The following PLOD1 variants were observed in gnomAD, a reference collection of about 807,000 sequenced individuals.
PLOD1 encodes the protein lysine hydroxylase.
PLOD1 carries 70 observed loss-of-function variants against 94.7 expected under a neutral mutation model. That is an observed-to-expected ratio of 0.74 (90% CI 0.61 to 0.90). PLOD1 has a LOEUF of 0.90. Among genes scored for constraint, PLOD1 ranks in the 40% least tolerant of loss-of-function variants. The probability of loss-of-function intolerance (pLI) is 0.00; values close to 1 mark genes in which losing one functional copy is unlikely to be tolerated. For synonymous variants in PLOD1, 417 were observed against 400.2 expected (o/e 1.04, Z -0.50); for missense variants, 905 against 972.7 (o/e 0.93, Z 0.93).
chr1:11,965,404 T>C, intron 13 of PLOD1, 76 bp from the exon 14 acceptor site: 1 of 776,900 alleles, frequency 1.3e-6, no homozygotes. Context: ...GTTGCCCGTC[T>C]GGGAGCGTGC....
chr1:11,949,839 C>G lies in PLOD1; in HGVS notation c.235C>G (p.Arg79Gly). 1.2e-6 allele frequency: 2 copies of G among 1,613,952 alleles called. No homozygotes were observed. The highest frequency in any genetic ancestry group is 1.7e-6 in the Non-Finnish European group (2 of 1,179,864). The stretch of plus-strand genomic sequence containing the variant: ...GTCGGCAGGTGGAGGGCAGAAGGTC[C>G]GGCTGCTGAAGAAAGCTCTGGAGAA... ...GTSAGGGQKV[R>G]LLKKALEKHA... Residue 79 changes from arginine (R) to glycine (G), a missense_variant, in exon 3 of 19, where the codon CGG (arginine) becomes GGG (glycine). Arg to Gly is a moderately radical substitution (Grantham distance 125). Coordinates refer to ENST00000196061, the MANE Select transcript of PLOD1 (RefSeq NM_000302.4).
chr1:11,944,869 G>T (rs990960459), intron 1 of PLOD1, among the ~76,000 whole-genome samples: 1 of 152,232 alleles, frequency 6.6e-6, no homozygotes, highest in African/African-American at 2.4e-5. Context: ...TACAGTCTAG[G>T]TTCCTCCTGA....
At chr1:11,947,894 C>A in intron 1 of PLOD1, 82 bp from the exon 2 acceptor site, 1 of 881,090 alleles carries the variant, frequency 1.1e-6, no homozygotes, top group Non-Finnish European at 1.9e-6. Flanking sequence ...CAGAATTTGA[C>A]AGGTCACTGG....
In PLOD1 at chr1:11,957,770, A is replaced by G. The variant is rs1344501364; in HGVS notation, c.742-72A>G. The stretch of plus-strand genomic sequence containing the variant: ...GATGGTGCTGACCCACTGGGGGCCC[A>G]GGGAGATGTGAGTCAGGGCTATGGC... On this transcript the variant is annotated intron_variant, in intron 7 of 18. Transcript: ENST00000196061. The surrounding 1 kb of genome is among the most constrained non-coding windows in gnomAD (Gnocchi z 4.1). 4 of 1,001,832 alleles carry G rather than the reference A, an allele frequency of 4.0e-6. No homozygotes were observed. Among genetic ancestry groups the G allele is most frequent in the Non-Finnish European group, 6.4e-6 (4 of 620,838 alleles). 62.1% of individuals were successfully genotyped at this position (1,001,832 alleles called of 1,614,324 possible).
intron 2 of PLOD1, 107 bp downstream of exon 2, chr1:11,948,174 CAG>C: frequency 1.2e-6 from 1 of 818,380 alleles, no homozygotes; most frequent in Non-Finnish European, 2.2e-6. Context: ...CTTGGGGCCA[CAG>C]GGGAGGCTTC....
intron 16 of PLOD1, among the ~76,000 whole-genome samples, chr1:11,968,381 C>T (rs1394474885): frequency 6.6e-6 from 1 of 152,126 alleles, no homozygotes; most frequent in Non-Finnish European, 1.5e-5. Flanking sequence ...GGCAACATTA[C>T]CTACTAAGCA....
chr1:11,967,656 ATATTT>A lies in PLOD1; in HGVS notation c.1755+567_1755+571del, dbSNP rs199621823. On this transcript the variant is annotated intron_variant, in intron 16 of 18. Coordinates refer to ENST00000196061, the MANE Select transcript of PLOD1 (RefSeq NM_000302.4). ...AGATTTTATTTATATATATATATAT[ATATTT>A]TTTTTAAATAATAGAGACGGGGTCT... Among the ~76,000 whole-genome samples, 584 of 106,874 alleles carry A rather than the reference ATATTT, an allele frequency of 5.5e-3. 14 individuals are homozygous for A. The East Asian group carries it at 0.059, about 11-fold the overall frequency. The allele number at this position is 106,874 out of a possible 152,430, so 70.1% of individuals were successfully genotyped here.
intron 16 of PLOD1, among the ~76,000 whole-genome samples, chr1:11,967,616 A>T (rs555618249): frequency 0.052 from 3,644 of 70,400 alleles, 317 homozygotes; most frequent in African/African-American, 0.097. Flanking sequence ...TATATATATA[A>T]AAAGAAATAT....
chr1:11,967,666 T>A (rs1052848821), intron 16 of PLOD1, among the ~76,000 whole-genome samples: 5 of 132,408 alleles, frequency 3.8e-5, no homozygotes, highest in South Asian at 2.5e-4. Flanking sequence ...ATATTTTTTT[T>A]AAATAATAGA....
At position 11,952,763 on chromosome 1, in the gene PLOD1, A is replaced by AG. The variant is rs767996887; in HGVS notation, c.579+33dup. On this transcript the variant is annotated intron_variant, in intron 5 of 18. Transcript: ENST00000196061. ...AAGAGGCAGTGGGCGGGCCAAGGAG[A>AG]GGGGGCTGGGGATCCACCGGCCAGG... 5 of 1,515,790 alleles carry AG rather than the reference A, an allele frequency of 3.3e-6. No homozygotes were observed. The African/African-American group carries it at 6.9e-5, about 21-fold the overall frequency. The allele number at this position is 1,515,790 out of a possible 1,614,324, so 93.9% of individuals were successfully genotyped here. A position where few individuals can be genotyped will look rare whatever the true frequency, so the allele number is the denominator to read the frequency against.
In PLOD1 at chr1:11,963,219, T is replaced by C. The variant is rs569813068; in HGVS notation, c.1098-313T>C. On this transcript the variant is annotated intron_variant, in intron 10 of 18. Coordinates refer to ENST00000196061, the MANE Select transcript of PLOD1 (RefSeq NM_000302.4). The surrounding 1 kb of genome is among the most constrained non-coding windows in gnomAD (Gnocchi z 4.3). Reference sequence around the variant, plus strand: ...AAGGCTTTTGGTACAAGTTACCAAATTGCATTTCAGAAAGGCAGCCCCAGC... The same window carrying C: ...AAGGCTTTTGGTACAAGTTACCAAACTGCATTTCAGAAAGGCAGCCCCAGC... Among the ~76,000 whole-genome samples, 33 of 152,260 alleles carry C rather than the reference T, an allele frequency of 2.2e-4. No homozygotes were observed. The highest frequency in any genetic ancestry group is 7.2e-4 in the African/African-American group (30 of 41,544).
chr1:11,966,558 G>A, intron 15 of PLOD1: 1 of 562,446 alleles, frequency 1.8e-6, no homozygotes, highest in Non-Finnish European at 3.2e-6. Context: ...CCCTCTACCT[G>A]TTGGCACTTT....
chr1:11,954,642 G>A, intron 5 of PLOD1, 188 bp from the exon 6 acceptor site: 1 of 771,174 alleles, frequency 1.3e-6, no homozygotes, highest in Non-Finnish European at 2.4e-6. Flanking sequence ...AGAGCCACTA[G>A]ACTGTAGACC....
At position 11,964,665 on chromosome 1, in the gene PLOD1, T is replaced by C; in HGVS notation, c.1350T>C (p.Tyr450=). 6.2e-7 allele frequency: 1 copy of C among 1,613,256 alleles called. No homozygotes were observed. The highest frequency in any genetic ancestry group is 1.1e-5 in the South Asian group (1 of 91,080). The change falls in exon 13 of 19, where the codon TAT becomes TAC. Residue 450 remains tyrosine, a synonymous_variant. Transcript: ENST00000196061. ...ACAGTGGTGTCTGGAATGTGCCCTA[T>C]ATTTCAAACATCTACTTGATCAAGG... is the stretch of plus-strand genomic sequence containing the variant. The part of the protein sequence containing the change: ...GRRVGVWNVP[Y]ISNIYLIKGS...
rs552446986 is a variant in PLOD1, at chr1:11,963,984, C to G, written c.1203-191C>G. On this transcript the variant is annotated intron_variant, in intron 11 of 18. Transcript: ENST00000196061. The surrounding 1 kb of genome is among the most constrained non-coding windows in gnomAD (Gnocchi z 4.3). ...CCTGCCCTGTCTGCTCCTGGCTGCC[C>G]CATGGGAGGGAGCAGGTACCAGAAG... Among the ~76,000 whole-genome samples, 3 of 152,234 alleles carry G rather than the reference C, an allele frequency of 2.0e-5. No homozygotes were observed. The East Asian group carries it at 5.8e-4, about 29-fold the overall frequency.
intron 9 of PLOD1, among the ~76,000 whole-genome samples, chr1:11,959,216 A>T (rs1341249550): frequency 6.6e-6 from 1 of 152,026 alleles, no homozygotes; most frequent in Non-Finnish European, 1.5e-5. Flanking sequence ...AAAAAAAATA[A>T]AAATAAATAA....
At chr1:11,968,429 A>T (rs1257725525) in intron 16 of PLOD1, among the ~76,000 whole-genome samples, 1 of 152,170 alleles carries the variant, frequency 6.6e-6, no homozygotes, top group African/African-American at 2.4e-5. Context: ...GAGAAACTGC[A>T]GAAAGGAATT....
chr1:11,946,630 G>C (rs1469367454), intron 1 of PLOD1, among the ~76,000 whole-genome samples: 1 of 152,208 alleles, frequency 6.6e-6, no homozygotes, highest in Non-Finnish European at 1.5e-5. Flanking sequence ...TGGCCAGAGA[G>C]ATCTTCCTGG....
chr1:11,956,464 A>T (rs931013143), intron 6 of PLOD1, among the ~76,000 whole-genome samples: 3 of 152,178 alleles, frequency 2.0e-5, no homozygotes, highest in Non-Finnish European at 2.9e-5. Context: ...CTGGGACAAG[A>T]TCTGTCCTGA....
Sources: gnomAD v4.1 joint callset for allele counts (sites outside exome capture counted in the v4.1 genomes callset) on GRCh38, gnomAD v4.1.1 for gene constraint, Gnocchi (gnomAD v3.1) non-coding constraint, MANE v1.5 for transcripts, NCBI Gene and HGNC (gene_info 2026-07-23, HGNC 2026-07-21) for gene names.